GPHN: variants seen among roughly 807,000 people sequenced by gnomAD.
The protein encoded by GPHN is gephyrin.
Under a neutral mutation model 95.5 loss-of-function variants are expected in GPHN, and 17 were observed. The observed-to-expected ratio is 0.18, with a 90% CI of 0.12 to 0.27. GPHN has a LOEUF of 0.27. GPHN is among the 10% of genes least tolerant of loss of function. The pLI, the probability that GPHN is intolerant of heterozygous loss-of-function variation, is 1.00. For synonymous variants in GPHN, 320 were observed against 322.5 expected, an observed-to-expected ratio of 0.99 and a Z score of 0.08; for missense variants, 660 against 978.1, an observed-to-expected ratio of 0.67 and a Z score of 4.34.
At chr14:66,702,526 A>G (rs1206683108) in intron 2 of GPHN, among the ~76,000 whole-genome samples, 1 of 151,964 alleles carries the variant, frequency 6.6e-6, no homozygotes, top group Non-Finnish European at 1.5e-5. Flanking sequence ...CCTGAAGTGA[A>G]CCCCCAGCAA....
rs960345309 is a variant in GPHN, at chr14:66,831,547, G to A, written c.294+6981G>A. Among the ~76,000 whole-genome samples, 14 of 152,146 alleles carry A rather than the reference G, an allele frequency of 9.2e-5. 1 individual carries two copies. Among genetic ancestry groups the A allele is most frequent in the South Asian group, 8.3e-4 (4 of 4,814 alleles). ...CCATGTCATATCTTTGTCTAAACAC[G>A]TTGGCATGCAATATGGTATAGTGGA... On this transcript the variant is annotated intron_variant, in intron 4 of 22. Coordinates refer to ENST00000478722, the MANE Select transcript of GPHN (RefSeq NM_020806.5).
chr14:67,205,191 G>T, the GPHN span: 1 of 1,176,364 alleles, frequency 8.5e-7, no homozygotes, highest in African/African-American at 1.6e-5. Flanking sequence ...AAAATGCTAT[G>T]GAACCTACCT....
the GPHN span, among the ~76,000 whole-genome samples, chr14:67,231,835 G>C: frequency 6.6e-6 from 1 of 151,940 alleles, no homozygotes; most frequent in Admixed American, 6.6e-5. Context: ...TGGGCATGGT[G>C]GTGGGTGCCT....
the GPHN span, among the ~76,000 whole-genome samples, chr14:67,424,702 G>A: frequency 6.6e-6 from 1 of 152,028 alleles, no homozygotes; most frequent in African/African-American, 2.4e-5. Context: ...CTGGTCTTGG[G>A]TCATGACCTG....
the GPHN span, chr14:67,642,205 T>A: frequency 6.2e-7 from 1 of 1,614,054 alleles, no homozygotes; most frequent in Non-Finnish European, 8.5e-7. Context: ...TAAAAGACTT[T>A]GGAGATTTGA....
the GPHN span, chr14:67,572,260 G>T: frequency 1.9e-6 from 3 of 1,602,994 alleles, no homozygotes; most frequent in Non-Finnish European, 2.6e-6. Context: ...CTCCACCGAC[G>T]GGCTGGGCCT....
At chr14:66,530,285 A>G (rs1194172212) in intron 1 of GPHN, among the ~76,000 whole-genome samples, 1 of 152,078 alleles carries the variant, frequency 6.6e-6, no homozygotes, top group Non-Finnish European at 1.5e-5. Flanking sequence ...GTAATGGTGG[A>G]CGTCCCTCCT....
At chr14:66,783,675 A>G (rs1433975826) in intron 3 of GPHN, among the ~76,000 whole-genome samples, 1 of 152,042 alleles carries the variant, frequency 6.6e-6, no homozygotes, top group Non-Finnish European at 1.5e-5. Context: ...ACTCTCCCCA[A>G]CCCTTGGTAT....
intron 5 of GPHN, among the ~76,000 whole-genome samples, chr14:66,896,308 T>C (rs2064846089): frequency 6.6e-6 from 1 of 152,124 alleles, no homozygotes; most frequent in Non-Finnish European, 1.5e-5. Context: ...TAATTTGAGA[T>C]ACTGTGATTA....
intron 17 of GPHN, among the ~76,000 whole-genome samples, chr14:67,131,043 C>G (rs1357627892): frequency 6.6e-6 from 1 of 152,040 alleles, no homozygotes; most frequent in Non-Finnish European, 1.5e-5. Flanking sequence ...CTCCTTTAGT[C>G]CTCCTAGACA....
At chr14:67,020,319 G>T (rs1002332550) in intron 9 of GPHN, among the ~76,000 whole-genome samples, 1 of 152,046 alleles carries the variant, frequency 6.6e-6, no homozygotes, top group Non-Finnish European at 1.5e-5. Context: ...GCTTTCAATT[G>T]TACCTCCCAT....
chr14:67,528,551 T>G, the GPHN span, among the ~76,000 whole-genome samples: 1 of 152,206 alleles, frequency 6.6e-6, no homozygotes, highest in African/African-American at 2.4e-5. Context: ...ACTAGGATGT[T>G]GCAAACTCTA....
chr14:66,794,492 G>T (rs911109013), intron 3 of GPHN, among the ~76,000 whole-genome samples: 1 of 152,038 alleles, frequency 6.6e-6, no homozygotes, highest in Admixed American at 6.6e-5. Context: ...AGCAATATGA[G>T]AATGGACAAA....
At chr14:66,774,571 T>C (rs1418120603) in intron 2 of GPHN, among the ~76,000 whole-genome samples, 1 of 152,230 alleles carries the variant, frequency 6.6e-6, no homozygotes, top group East Asian at 1.9e-4. Flanking sequence ...TAAACCTATG[T>C]ATATTTTTTC....
At chr14:67,010,276 C>T (rs992072234) in intron 9 of GPHN, among the ~76,000 whole-genome samples, 3 of 151,344 alleles carry the variant, frequency 2.0e-5, no homozygotes, top group Admixed American at 1.3e-4. Context: ...ATAGGCCGGG[C>T]GCGGTGGCTC....
At chr14:67,573,207 G>A in the GPHN span, 50 of 940,526 alleles carry the variant, frequency 5.3e-5, 1 homozygote, top group South Asian at 6.3e-4. This position sits in a 1 kb window ranked among gnomAD's most constrained non-coding sequence, Gnocchi z 4.8. Flanking sequence ...TGGACCACTT[G>A]GACCTGTGTG....
At chr14:66,590,892 A>G (rs960018648) in intron 1 of GPHN, among the ~76,000 whole-genome samples, 21 of 152,322 alleles carry the variant, frequency 1.4e-4, no homozygotes, top group South Asian at 1.0e-3. Context: ...ATGAACATCA[A>G]TGCAAAAATC....
chr14:67,002,932 G>C (rs1052506882), intron 9 of GPHN, among the ~76,000 whole-genome samples: 2 of 151,584 alleles, frequency 1.3e-5, no homozygotes, highest in Non-Finnish European at 3.0e-5. Flanking sequence ...ATTGAAACAA[G>C]TATTAGCTCC....
the GPHN span, among the ~76,000 whole-genome samples, chr14:67,238,986 C>T: frequency 2.0e-5 from 3 of 151,980 alleles, no homozygotes; most frequent in Admixed American, 6.6e-5. Flanking sequence ...AAAAAAATGC[C>T]CTTCTGAATT....
Sources: gnomAD v4.1 joint callset for allele counts (sites outside exome capture counted in the v4.1 genomes callset) on GRCh38, gnomAD v4.1.1 for gene constraint, Gnocchi (gnomAD v3.1) non-coding constraint, MANE v1.5 for transcripts, NCBI Gene and HGNC (gene_info 2026-07-23, HGNC 2026-07-21) for gene names.